The following IGSF10 variants were observed in gnomAD, a reference collection of about 807,000 sequenced individuals.
The protein encoded by IGSF10 is immunoglobulin superfamily member 10, also known as calvaria mechanical force protein 608.
Under a neutral mutation model 128.2 loss-of-function variants are expected in IGSF10, and 126 were observed. The observed-to-expected ratio is 0.98, with a 90% CI of 0.85 to 1.14. The LOEUF is 1.14. IGSF10 is among the 50% of genes most tolerant of loss of function. The pLI is 0.00. For missense variants in IGSF10, 3,295 were observed against 3,149.8 expected, an observed-to-expected ratio of 1.05 and a Z score of -1.10; for synonymous variants, 1,185 against 1,146.2, an observed-to-expected ratio of 1.03 and a Z score of -0.68.
upstream of IGSF10, among the ~76,000 whole-genome samples, chr3:151,461,870 G>A (rs936399994): frequency 1.3e-5 from 2 of 152,150 alleles, no homozygotes; most frequent in African/African-American, 2.4e-5. Context: ...TTGGCATAAT[G>A]TCCTCCAGGT....
the IGSF10 span, among the ~76,000 whole-genome samples, chr3:151,593,533 T>G: frequency 5.3e-5 from 8 of 152,046 alleles, no homozygotes; most frequent in East Asian, 1.5e-3. Context: ...ACTTCGGGTT[T>G]TTGGGATATT....
the IGSF10 span, among the ~76,000 whole-genome samples, chr3:151,581,513 T>A: frequency 1.3e-5 from 2 of 152,094 alleles, no homozygotes; most frequent in African/African-American, 4.8e-5. Context: ...AGTCTTGGAG[T>A]TCTTATTAGT....
At chr3:151,532,059 A>G in the IGSF10 span, among the ~76,000 whole-genome samples, 1 of 152,228 alleles carries the variant, frequency 6.6e-6, no homozygotes, top group African/African-American at 2.4e-5. Context: ...CCTCTATGCA[A>G]AGAAACCAGA....
At chr3:151,558,157 G>A in the IGSF10 span, among the ~76,000 whole-genome samples, 1 of 149,340 alleles carries the variant, frequency 6.7e-6, no homozygotes, top group African/African-American at 2.5e-5. Flanking sequence ...TTTTAGGAGT[G>A]TAACACTGAA....
the IGSF10 span, among the ~76,000 whole-genome samples, chr3:151,585,982 A>AT: frequency 0.12 from 17,027 of 141,878 alleles, 1,408 homozygotes; most frequent in African/African-American, 0.25. Context: ...CACATTAACC[A>AT]TTTTTTTTTT....
chr3:151,517,309 G>C, the IGSF10 span, among the ~76,000 whole-genome samples: 2 of 151,956 alleles, frequency 1.3e-5, no homozygotes, highest in Non-Finnish European at 2.9e-5. Flanking sequence ...GATTAACAAA[G>C]AGACTGCTTA....
the IGSF10 span, among the ~76,000 whole-genome samples, chr3:151,529,008 C>G: frequency 5.3e-5 from 8 of 152,032 alleles, no homozygotes; most frequent in African/African-American, 1.7e-4. Context: ...GATGCTTGAG[C>G]TTGGTGGGGG....
chr3:151,494,328 T>C, the IGSF10 span, among the ~76,000 whole-genome samples: 2 of 151,982 alleles, frequency 1.3e-5, no homozygotes, highest in South Asian at 4.2e-4. Flanking sequence ...TAGAATTTTC[T>C]ATTAAGTTAG....
chr3:151,435,062 C>CTTTTTT (rs66791814), downstream of IGSF10: 26 of 119,034 alleles, frequency 2.2e-4, no homozygotes, highest in African/African-American at 4.6e-4. Context: ...TGAGAGGTTT[C>CTTTTTT]TTTTTTTTTT....
chr3:151,592,221 T>TACACAC, the IGSF10 span, among the ~76,000 whole-genome samples: 1,590 of 150,432 alleles, frequency 0.011, 18 homozygotes, highest in African/African-American at 0.027. Context: ...TTGAGATTAA[T>TACACAC]ACACACACAC....
At chr3:151,593,896 T>A in the IGSF10 span, among the ~76,000 whole-genome samples, 226 of 152,224 alleles carry the variant, frequency 1.5e-3, no homozygotes, top group Non-Finnish European at 2.1e-4. Context: ...CTGCACAAAC[T>A]TTCATGAAAA....
chr3:151,468,301 C>T, the IGSF10 span, among the ~76,000 whole-genome samples: 5 of 152,198 alleles, frequency 3.3e-5, no homozygotes, highest in Admixed American at 6.5e-5. Flanking sequence ...ACAATGGCTA[C>T]AGGGGCTGCG....
the IGSF10 span, among the ~76,000 whole-genome samples, chr3:151,529,760 C>A: frequency 2.6e-4 from 40 of 152,134 alleles, no homozygotes; most frequent in African/African-American, 8.9e-4. Context: ...GAGAAACCAG[C>A]GCAAAAAGGC....
At chr3:151,600,671 A>G in the IGSF10 span, among the ~76,000 whole-genome samples, 1 of 152,138 alleles carries the variant, frequency 6.6e-6, no homozygotes, top group Non-Finnish European at 1.5e-5. Context: ...CTTTGAAAAT[A>G]TTGTCGAATT....
the IGSF10 span, among the ~76,000 whole-genome samples, chr3:151,550,534 T>C: frequency 7.9e-5 from 12 of 152,206 alleles, no homozygotes; most frequent in Non-Finnish European, 1.8e-4. Flanking sequence ...AAGAATTTAA[T>C]TACACAAATG....
chr3:151,582,091 C>T, the IGSF10 span, among the ~76,000 whole-genome samples: 3 of 151,662 alleles, frequency 2.0e-5, no homozygotes, highest in Non-Finnish European at 2.9e-5. Context: ...CAAAAATATA[C>T]CATTATTTAC....
chr3:151,519,723 A>G, the IGSF10 span, among the ~76,000 whole-genome samples: 3,131 of 151,806 alleles, frequency 0.021, 108 homozygotes, highest in African/African-American at 0.071. Context: ...TTACTTCTGA[A>G]GGGGAAACAA....
At chr3:151,455,830 C>T (rs1433393388) in intron 4 of IGSF10, among the ~76,000 whole-genome samples, 1 of 152,132 alleles carries the variant, frequency 6.6e-6, no homozygotes, top group Admixed American at 6.5e-5. Flanking sequence ...CTCCAATTCC[C>T]TCTCCAATTA....
chr3:151,464,376 T>C (rs1473560726), upstream of IGSF10, among the ~76,000 whole-genome samples: 3 of 152,206 alleles, frequency 2.0e-5, no homozygotes, highest in South Asian at 6.2e-4. Flanking sequence ...ATATCACCCC[T>C]GAGAATTACA....
Sources: gnomAD v4.1 joint callset for allele counts (sites outside exome capture counted in the v4.1 genomes callset) on GRCh38, gnomAD v4.1.1 for gene constraint, MANE v1.5 for transcripts, NCBI Gene and HGNC (gene_info 2026-07-23, HGNC 2026-07-21) for gene names.